The following DACH1 variants were observed in gnomAD, a reference collection of about 807,000 sequenced individuals.
DACH1 encodes the protein dachshund homolog 1.
In DACH1, 12 loss-of-function variants were observed where a neutral mutation model predicts 54.2. The ratio of observed to expected loss-of-function variants is 0.22; its 90% confidence interval spans 0.14 to 0.36. The LOEUF is 0.36. DACH1 is among the 10% of genes least tolerant of loss of function. The pLI is 1.00. For synonymous variants in DACH1, 386 were observed against 366.2 expected (o/e 1.05, Z -0.62); for missense variants, 805 against 929.8 (o/e 0.87, Z 1.75).
At chr13:71,528,218 G>A (rs1426554537) in intron 6 of DACH1, among the ~76,000 whole-genome samples, 1 of 152,030 alleles carries the variant, frequency 6.6e-6, no homozygotes, top group Non-Finnish European at 1.5e-5. Flanking sequence ...GCAAGAAAAA[G>A]TTGTTTAGAA....
chr13:71,695,262 T>G (rs548630420), intron 1 of DACH1, among the ~76,000 whole-genome samples: 1 of 152,200 alleles, frequency 6.6e-6, no homozygotes, highest in Non-Finnish European at 1.5e-5. Context: ...TCACTTCAAA[T>G]GCGTCCTCTC....
At chr13:71,833,512 T>A (rs945737532) in intron 1 of DACH1, among the ~76,000 whole-genome samples, 2 of 151,832 alleles carry the variant, frequency 1.3e-5, no homozygotes, top group Non-Finnish European at 2.9e-5. Context: ...AGCATCATAA[T>A]TTTTTTTACA....
rs1357804324 is a variant in DACH1 at position 71,529,191 on chromosome 13, T to G, written c.1570+27833A>C. Among the ~76,000 whole-genome samples the G allele has an allele frequency of 3.5e-4, 51 of 147,234 alleles. No homozygotes were observed. In the South Asian group the frequency reaches 0.011, roughly 31 times the overall value. On this transcript the variant is annotated intron_variant, in intron 6 of 10. Transcript: ENST00000613252. ...ACAATATTGTGATTTGGGTTTTTTT[T>G]TTTTTTTTTTTTTGAGGCAGAATCT...
intron 10 of DACH1, among the ~76,000 whole-genome samples, chr13:71,441,605 C>T (rs928450876): frequency 2.6e-5 from 4 of 151,742 alleles, no homozygotes; most frequent in Non-Finnish European, 5.9e-5. Context: ...GTACATATTG[C>T]CATGTAAATG....
Position 71,553,422 on chromosome 13 carries a change from T to C in DACH1, c.1570+3602A>G. ...TATATGTATATTAGACATATATCCATATATGTATATTAGACATATATCCAT... is the reference window on the plus strand; with the variant it reads ...TATATGTATATTAGACATATATCCACATATGTATATTAGACATATATCCAT... On this transcript the variant is annotated intron_variant, in intron 6 of 10. Transcript: ENST00000613252. Among the ~76,000 whole-genome samples the C allele has an allele frequency of 3.2e-5, 4 of 123,908 alleles. 2 individuals carry two copies. In the Admixed American group the frequency reaches 3.5e-4, roughly 11 times the overall value. The allele number at this position is 123,908 out of a possible 152,430, so 81.3% of individuals were successfully genotyped here. A position where few individuals can be genotyped will look rare whatever the true frequency, so the allele number is the denominator to read the frequency against.
intron 2 of DACH1, among the ~76,000 whole-genome samples, chr13:71,665,132 T>C (rs1163251155): frequency 6.6e-6 from 1 of 152,068 alleles, no homozygotes; most frequent in Non-Finnish European, 1.5e-5. Context: ...TGTTGAACTA[T>C]TTATAACGTT....
intron 1 of DACH1, among the ~76,000 whole-genome samples, chr13:71,697,903 G>C (rs1881910125): frequency 6.6e-6 from 1 of 152,138 alleles, no homozygotes; most frequent in Non-Finnish European, 1.5e-5. Flanking sequence ...TTTAAAAGGA[G>C]ATTACAGATT....
chr13:71,583,502 T>A (rs906666967), intron 3 of DACH1, among the ~76,000 whole-genome samples: 2 of 152,182 alleles, frequency 1.3e-5, no homozygotes, highest in Non-Finnish European at 2.9e-5. Context: ...ATAAAGCTAC[T>A]GAATTTTAAA....
At chr13:71,466,502 C>T (rs1415770000) in intron 10 of DACH1, among the ~76,000 whole-genome samples, 1 of 152,010 alleles carries the variant, frequency 6.6e-6, no homozygotes, top group East Asian at 1.9e-4. Context: ...ATTTATCTCC[C>T]GAACTCTCAT....
chr13:71,755,166 G>A (rs1055649612), intron 1 of DACH1, among the ~76,000 whole-genome samples: 1 of 152,086 alleles, frequency 6.6e-6, no homozygotes, highest in Non-Finnish European at 1.5e-5. Context: ...ACCTTTAGTA[G>A]CTTTAATTTT....
At chr13:71,520,889 T>C (rs974893758) in intron 6 of DACH1, among the ~76,000 whole-genome samples, 1 of 151,968 alleles carries the variant, frequency 6.6e-6, no homozygotes, top group African/African-American at 2.4e-5. Context: ...TAGGCAGATA[T>C]GTAGGCTAAA....
intron 3 of DACH1, among the ~76,000 whole-genome samples, chr13:71,583,163 C>T (rs868225165): frequency 2.0e-5 from 3 of 151,902 alleles, no homozygotes; most frequent in Middle Eastern, 3.4e-3. Flanking sequence ...CATAATGTGA[C>T]CAATGAAGAA....
At chr13:71,584,169 G>A (rs1873062357) in intron 3 of DACH1, among the ~76,000 whole-genome samples, 2 of 152,098 alleles carry the variant, frequency 1.3e-5, no homozygotes, top group Non-Finnish European at 2.9e-5. Flanking sequence ...AACAAATGTT[G>A]CTCTTAATTA....
intron 10 of DACH1, among the ~76,000 whole-genome samples, chr13:71,442,690 T>G (rs1379234866): frequency 9.3e-5 from 14 of 150,380 alleles, no homozygotes; most frequent in African/African-American, 3.0e-4. Context: ...GTATACTATG[T>G]TTTTTTTTGT....
At chr13:71,662,454 C>T (rs1879570055) in intron 2 of DACH1, among the ~76,000 whole-genome samples, 1 of 151,798 alleles carries the variant, frequency 6.6e-6, no homozygotes, top group Non-Finnish European at 1.5e-5. Context: ...AAAATCAGTG[C>T]CAAAATTTAC....
intron 1 of DACH1, among the ~76,000 whole-genome samples, chr13:71,706,698 A>G (rs1882466460): frequency 6.6e-6 from 1 of 152,100 alleles, no homozygotes; most frequent in Non-Finnish European, 1.5e-5. Flanking sequence ...TTTATTCTAT[A>G]TCTATTTTTT....
At chr13:71,555,250 AC>A (rs1884163991) in intron 6 of DACH1, among the ~76,000 whole-genome samples, 2 of 152,248 alleles carry the variant, frequency 1.3e-5, no homozygotes, top group Middle Eastern at 6.8e-3. Flanking sequence ...TGATTGTGAC[AC>A]CCATACATTT....
chr13:71,760,940 A>G (rs888830644), intron 1 of DACH1, among the ~76,000 whole-genome samples: 2 of 152,278 alleles, frequency 1.3e-5, no homozygotes, highest in Admixed American at 6.5e-5. Context: ...AATTTACAGA[A>G]TATAAAGTGA....
At chr13:71,574,793 TA>T (rs1191171460) in intron 3 of DACH1, among the ~76,000 whole-genome samples, 1 of 151,830 alleles carries the variant, frequency 6.6e-6, no homozygotes, top group Non-Finnish European at 1.5e-5. Context: ...GCTTTTGGTT[TA>T]AAAAAAAGTT....
Sources: allele counts gnomAD v4.1 joint callset (sites outside exome capture counted in the v4.1 genomes callset), GRCh38; gene constraint gnomAD v4.1.1; transcripts MANE v1.5; gene names NCBI Gene and HGNC (gene_info 2026-07-23, HGNC 2026-07-21).